The following CHP1 variants were observed in gnomAD, a reference collection of about 807,000 sequenced individuals.
The protein encoded by CHP1 is calcineurin like EF-hand protein 1.
CHP1 carries 11 observed loss-of-function variants against 27.4 expected under a neutral mutation model. That is an observed-to-expected ratio of 0.40 (90% CI 0.25 to 0.67). The LOEUF is 0.67. Ranked by LOEUF, CHP1 falls within the 30% of genes least tolerant of loss-of-function variation. CHP1 has a pLI of 0.38. For missense variants in CHP1, 169 were observed against 251.3 expected (o/e 0.67, Z 2.22); for synonymous variants, 89 against 87.4 (o/e 1.02, Z -0.10).
chr15:41,275,048 A>G (rs1236471917), intron 5 of CHP1, among the ~76,000 whole-genome samples: 1 of 151,946 alleles, frequency 6.6e-6, no homozygotes, highest in East Asian at 1.9e-4. Flanking sequence ...TCAGCCTCCC[A>G]AAGTCCTGGG....
intron 1 of CHP1, among the ~76,000 whole-genome samples, chr15:41,240,157 G>A (rs540057537): frequency 1.3e-5 from 2 of 151,966 alleles, no homozygotes; most frequent in Non-Finnish European, 2.9e-5. Context: ...GATTTTTTTG[G>A]TTTAAAATAA....
At position 41,231,463 on chromosome 15, in the gene CHP1, G is replaced by T. The variant is rs1178410748; in HGVS notation, c.67+14G>T. ...AGGAGACCGGCTGTGAGTTCGGGTT[G>T]GGGGTGGGAACGCCGGGCGCCTCAG... On this transcript the variant is annotated intron_variant, in intron 1 of 6. Coordinates refer to ENST00000334660, the MANE Select transcript of CHP1 (RefSeq NM_007236.5). The T allele has an allele frequency of 5.0e-6, 8 of 1,595,958 alleles. No individual in the cohort carries two copies. Among genetic ancestry groups the T allele is most frequent in the Non-Finnish European group, 6.8e-6 (8 of 1,172,682 alleles).
At chr15:41,250,800 CAAG>C (rs1439072882) in intron 2 of CHP1, among the ~76,000 whole-genome samples, 10 of 150,676 alleles carry the variant, frequency 6.6e-5, no homozygotes, top group Non-Finnish European at 1.5e-4. Context: ...TTCAGAATAT[CAAG>C]AGGAGATATT....
In CHP1 at chr15:41,243,754, T is replaced by C. The variant is rs1421360730; in HGVS notation, c.140+15T>C. ...GGGACTCTCAGGTAGGCAGTGTTTT[T>C]CTTTATTTTCCTCACAGAAACCAGA... is the stretch of plus-strand genomic sequence containing the variant. On this transcript the variant is annotated intron_variant, in intron 2 of 6. Coordinates refer to ENST00000334660, the MANE Select transcript of CHP1 (RefSeq NM_007236.5). The C allele has an allele frequency of 6.2e-7, 1 of 1,612,530 alleles. No homozygotes were observed. Among genetic ancestry groups the C allele is most frequent in the East Asian group, 2.2e-5 (1 of 44,856 alleles).
At chr15:41,232,977 G>A (rs905510021) in intron 1 of CHP1, among the ~76,000 whole-genome samples, 1 of 152,094 alleles carries the variant, frequency 6.6e-6, no homozygotes, top group Non-Finnish European at 1.5e-5. Flanking sequence ...TGGCCCTTAA[G>A]CCTCTCTGTA....
At chr15:41,251,682 G>A (rs546028453) in intron 2 of CHP1, among the ~76,000 whole-genome samples, 1 of 152,246 alleles carries the variant, frequency 6.6e-6, no homozygotes, top group African/African-American at 2.4e-5. Context: ...AGAATCTAAT[G>A]CCTGCTGATC....
At chr15:41,276,134 G>T (rs749147963) in intron 5 of CHP1, among the ~76,000 whole-genome samples, 2 of 151,716 alleles carry the variant, frequency 1.3e-5, no homozygotes, top group Admixed American at 6.6e-5. Context: ...CCAGCTACTC[G>T]AGAGGCTGAG....
intron 1 of CHP1, among the ~76,000 whole-genome samples, chr15:41,238,550 A>T (rs377070828): frequency 1.3e-4 from 20 of 151,958 alleles, no homozygotes; most frequent in African/African-American, 4.8e-4. Context: ...CATTCAAGAC[A>T]TGTTTATAGC....
At chr15:41,277,703 G>A (rs1595484103) in intron 5 of CHP1, among the ~76,000 whole-genome samples, 1 of 150,768 alleles carries the variant, frequency 6.6e-6, no homozygotes, top group African/African-American at 2.4e-5. Flanking sequence ...CAGGGGAATC[G>A]CTTGAACTGG....
intron 1 of CHP1, among the ~76,000 whole-genome samples, chr15:41,235,272 A>G (rs2047271165): frequency 6.7e-6 from 1 of 150,160 alleles, no homozygotes; most frequent in Non-Finnish European, 1.5e-5. Flanking sequence ...TAGTTCCAGC[A>G]CTTTGGGAGG....
At chr15:41,241,108 C>T (rs1390621947) in intron 1 of CHP1, among the ~76,000 whole-genome samples, 1 of 152,142 alleles carries the variant, frequency 6.6e-6, no homozygotes, top group Non-Finnish European at 1.5e-5. Context: ...GCCTTGGCCT[C>T]CCAAAGTGCT....
At chr15:41,243,846 C>A in intron 2 of CHP1, 107 bp downstream of exon 2, 1 of 857,852 alleles carries the variant, frequency 1.2e-6, no homozygotes, top group Non-Finnish European at 1.9e-6. Flanking sequence ...ATCCAGCATG[C>A]AGATAGCAAG....
chr15:41,242,096 G>T (rs138736962), intron 1 of CHP1, among the ~76,000 whole-genome samples: 3 of 152,162 alleles, frequency 2.0e-5, no homozygotes, highest in Non-Finnish European at 4.4e-5. Flanking sequence ...TGAGTTTATG[G>T]ACTAAATCCA....
intron 2 of CHP1, among the ~76,000 whole-genome samples, chr15:41,248,418 C>T (rs77649643): frequency 0.011 from 1,630 of 152,120 alleles, 16 homozygotes; most frequent in Non-Finnish European, 0.018. Flanking sequence ...GGTGCTTCTC[C>T]TGTTATTTTT....
intron 1 of CHP1, among the ~76,000 whole-genome samples, chr15:41,233,003 G>C (rs895956899): frequency 6.6e-6 from 1 of 152,094 alleles, no homozygotes; most frequent in East Asian, 1.9e-4. Context: ...ATTTAATGAT[G>C]GTAACCTCTC....
chr15:41,256,817 T>C (rs767502770), intron 2 of CHP1, 93 bp from the exon 3 acceptor site: 75 of 977,966 alleles, frequency 7.7e-5, no homozygotes, highest in Non-Finnish European at 1.1e-4. Flanking sequence ...GGAGGTAATA[T>C]TCTTGCTAGG....
At chr15:41,238,185 T>C (rs1427283517) in intron 1 of CHP1, among the ~76,000 whole-genome samples, 1 of 151,682 alleles carries the variant, frequency 6.6e-6, no homozygotes, top group East Asian at 1.9e-4. Flanking sequence ...TGAGACAGGG[T>C]CTCACTCTGT....
At chr15:41,247,135 A>G (rs2047339272) in intron 2 of CHP1, among the ~76,000 whole-genome samples, 1 of 151,616 alleles carries the variant, frequency 6.6e-6, no homozygotes, top group East Asian at 2.0e-4. Context: ...TTGGGAGGCC[A>G]AGGCAGGTGG....
intron 1 of CHP1, among the ~76,000 whole-genome samples, chr15:41,235,563 A>C (rs1487964433): frequency 6.6e-6 from 1 of 152,160 alleles, no homozygotes; most frequent in Non-Finnish European, 1.5e-5. Flanking sequence ...ACACCTTGAT[A>C]AACAATTCAT....
Sources: allele counts gnomAD v4.1 joint callset (sites outside exome capture counted in the v4.1 genomes callset), GRCh38; gene constraint gnomAD v4.1.1; transcripts MANE v1.5; gene names NCBI Gene and HGNC (gene_info 2026-07-23, HGNC 2026-07-21).